The following GSR variants were observed in gnomAD, a reference collection of about 807,000 sequenced individuals.
GSR encodes the protein glutathione-disulfide reductase.
Under a neutral mutation model 56.5 loss-of-function variants are expected in GSR, and 48 were observed. The ratio of observed to expected loss-of-function variants is 0.85; its 90% CI spans 0.67 to 1.08. The LOEUF is 1.08. Ranked by LOEUF, GSR falls within the 50% of genes least tolerant of loss-of-function variation. The pLI is 0.00. For missense variants in GSR, 694 were observed against 703.3 expected, an observed-to-expected ratio of 0.99 and a Z score of 0.15; for synonymous variants, 264 against 270.8, an observed-to-expected ratio of 0.97 and a Z score of 0.25.
chr8:30,682,889 G>A (rs184647621), intron 10 of GSR, among the ~76,000 whole-genome samples: 63 of 151,252 alleles, frequency 4.2e-4, no homozygotes, highest in African/African-American at 1.3e-3. Flanking sequence ...GAGCAGTGGC[G>A]CCATCTCAGC....
At chr8:30,711,578 T>A (rs1397792492) in intron 2 of GSR, among the ~76,000 whole-genome samples, 8 of 152,138 alleles carry the variant, frequency 5.3e-5, no homozygotes, top group Non-Finnish European at 1.0e-4. Flanking sequence ...ATGCCTATAA[T>A]CCCAGCATTT....
intron 5 of GSR, 102 bp from the exon 6 acceptor site, chr8:30,700,237 T>C (rs746726466): frequency 2.3e-5 from 20 of 861,570 alleles, no homozygotes; most frequent in Admixed American, 1.8e-4. Context: ...ACAGCCAACA[T>C]AGTCTCCGTT....
chr8:30,718,111 A>AAAAT (rs35132121), intron 1 of GSR, among the ~76,000 whole-genome samples: 101,621 of 147,658 alleles, frequency 0.69, 37,917 homozygotes, highest in East Asian at 0.89. Context: ...CAAAAAAATA[A>AAAAT]AAATAAATAA....
At chr8:30,727,476 CGA>C in intron 1 of GSR, 52 bp downstream of exon 1, 1 of 1,479,288 alleles carries the variant, frequency 6.8e-7, no homozygotes, top group Non-Finnish European at 9.1e-7. Context: ...GGCTGTCCCC[CGA>C]AAGACCGAGA....
intron 7 of GSR, among the ~76,000 whole-genome samples, chr8:30,694,078 AAAT>A (rs899581354): frequency 2.6e-5 from 4 of 152,306 alleles, no homozygotes; most frequent in Non-Finnish European, 5.9e-5. Context: ...TATTCTAGCA[AAAT>A]AATACTTACC....
At chr8:30,716,244 T>C (rs1206238382) in intron 1 of GSR, among the ~76,000 whole-genome samples, 1 of 152,122 alleles carries the variant, frequency 6.6e-6, no homozygotes, top group Non-Finnish European at 1.5e-5. Flanking sequence ...ATCTCCACAT[T>C]CCCTAAAATT....
At chr8:30,702,967 A>C in intron 5 of GSR, 126 bp downstream of exon 5, 1 of 979,114 alleles carries the variant, frequency 1.0e-6, no homozygotes, top group Non-Finnish European at 1.6e-6. Flanking sequence ...TTCTGCAGAG[A>C]CCTTCTCCCA....
chr8:30,715,879 AAT>A (rs1286460982), intron 1 of GSR, among the ~76,000 whole-genome samples: 2 of 152,220 alleles, frequency 1.3e-5, no homozygotes, highest in African/African-American at 2.4e-5. Context: ...TAATTTTAAA[AAT>A]ATGTTTTTTA....
intron 7 of GSR, 22 bp from the exon 8 acceptor site, chr8:30,693,077 G>T (rs765528434): frequency 2.8e-6 from 4 of 1,450,526 alleles, no homozygotes; most frequent in South Asian, 2.3e-5. Context: ...CATAGGGATG[G>T]GTAATGCGAG....
At chr8:30,704,435 G>A (rs757373412) in intron 4 of GSR, among the ~76,000 whole-genome samples, 8 of 152,192 alleles carry the variant, frequency 5.3e-5, no homozygotes, top group Non-Finnish European at 1.0e-4. Context: ...CCAAGGGAGG[G>A]AAACGCAATG....
chr8:30,681,388 G>A (rs140801980), intron 11 of GSR, among the ~76,000 whole-genome samples: 3 of 152,208 alleles, frequency 2.0e-5, no homozygotes, highest in African/African-American at 7.2e-5. Context: ...CAGGCATGGT[G>A]GTGGTGCAGG....
At chr8:30,696,586 C>G (rs981908877) in intron 6 of GSR, 107 bp from the exon 7 acceptor site, 63 of 767,804 alleles carry the variant, frequency 8.2e-5, no homozygotes, top group Middle Eastern at 2.3e-4. Flanking sequence ...CTTATTATAC[C>G]CCTTGATCAG....
chr8:30,700,125 T>G lies in GSR; in HGVS notation c.651A>C (p.Leu217Phe). 1 of 1,612,724 alleles carries G rather than the reference T, an allele frequency of 6.2e-7. No individual in the cohort carries two copies. Among genetic ancestry groups the G allele is most frequent in the Non-Finnish European group, 8.5e-7 (1 of 1,178,766 alleles). Residue 217 changes from leucine to phenylalanine, a missense_variant, in exon 6 of 13, where the codon TTA (leucine) becomes TTC (phenylalanine). Transcript: ENST00000221130. Reference protein sequence around the residue: ...PHESQIPGASLGITSDGFFQL... With the variant: ...PHESQIPGASFGITSDGFFQL... Reference sequence around the variant, plus strand: ...GAAAAAATCCATCGCTGGTTATTCCTAAGCTGGCACCTATGTAGAAAAAGG... The same window carrying G: ...GAAAAAATCCATCGCTGGTTATTCCGAAGCTGGCACCTATGTAGAAAAAGG...
chr8:30,702,234 C>T (rs1317629668), intron 5 of GSR, among the ~76,000 whole-genome samples: 1 of 151,260 alleles, frequency 6.6e-6, no homozygotes, highest in Non-Finnish European at 1.5e-5. Context: ...GCAGGAAAAT[C>T]GCTTGAACCC....
intron 10 of GSR, among the ~76,000 whole-genome samples, chr8:30,683,448 G>A (rs369148770): frequency 6.6e-6 from 1 of 152,090 alleles, no homozygotes; most frequent in African/African-American, 2.4e-5. Context: ...GCTGAGGTGT[G>A]GGATGCCGGA....
At chr8:30,694,774 C>CT (rs1803491733) in intron 7 of GSR, among the ~76,000 whole-genome samples, 1 of 151,536 alleles carries the variant, frequency 6.6e-6, no homozygotes, top group Admixed American at 6.6e-5. Flanking sequence ...TGGCATGTTC[C>CT]TGTAGTCCTG....
chr8:30,686,456 T>C (rs981891571), intron 9 of GSR, among the ~76,000 whole-genome samples: 4 of 151,926 alleles, frequency 2.6e-5, no homozygotes, highest in African/African-American at 9.7e-5. Flanking sequence ...GAAGCTGAGG[T>C]GGAAGGATCG....
At chr8:30,687,239 C>A (rs1054996790) in intron 9 of GSR, among the ~76,000 whole-genome samples, 3 of 152,124 alleles carry the variant, frequency 2.0e-5, no homozygotes, top group African/African-American at 7.2e-5. Flanking sequence ...TATAAGTTAA[C>A]ATGCAGAAAA....
intron 1 of GSR, among the ~76,000 whole-genome samples, chr8:30,724,342 CT>C (rs1002519391): frequency 2.6e-4 from 40 of 152,180 alleles, no homozygotes; most frequent in African/African-American, 8.4e-4. Flanking sequence ...AAACCCACCC[CT>C]GCCCCCATAG....
Sources: allele counts gnomAD v4.1 joint callset (sites outside exome capture counted in the v4.1 genomes callset), GRCh38; gene constraint gnomAD v4.1.1; transcripts MANE v1.5; gene names NCBI Gene and HGNC (gene_info 2026-07-23, HGNC 2026-07-21).